The following NPAS3 variants were observed in gnomAD, a reference collection of about 807,000 sequenced individuals.
NPAS3 encodes neuronal PAS domain protein 3.
NPAS3 carries 14 observed loss-of-function variants against 73.1 expected under a neutral mutation model. The observed-to-expected ratio is 0.19, with a 90% CI of 0.13 to 0.30. The LOEUF is 0.30. Ranked by LOEUF, NPAS3 falls within the 10% of genes least tolerant of loss-of-function variation. The probability of loss-of-function intolerance (pLI) is 1.00; values close to 1 mark genes in which losing one functional copy is unlikely to be tolerated. For missense variants in NPAS3, 1,096 were observed against 1,250.0 expected (o/e 0.88, Z 1.86); for synonymous variants, 620 against 541.5 (o/e 1.14, Z -2.01).
intron 3 of NPAS3, among the ~76,000 whole-genome samples, chr14:33,358,774 G>A (rs936578816): frequency 1.3e-5 from 2 of 152,178 alleles, no homozygotes; most frequent in Non-Finnish European, 2.9e-5. Context: ...ATTTCCTGTG[G>A]ATACTTTTAG....
At chr14:33,636,336 G>C (rs1477102752) in intron 5 of NPAS3, among the ~76,000 whole-genome samples, 2 of 152,232 alleles carry the variant, frequency 1.3e-5, no homozygotes, top group Non-Finnish European at 2.9e-5. Flanking sequence ...CCCAGTGTCA[G>C]CATTAAAGGC....
chr14:33,228,948 A>G (rs893567675), intron 3 of NPAS3, among the ~76,000 whole-genome samples: 1 of 152,174 alleles, frequency 6.6e-6, no homozygotes, highest in Non-Finnish European at 1.5e-5. Context: ...TTGAACCTCT[A>G]CTTTGAAGTA....
intron 6 of NPAS3, among the ~76,000 whole-genome samples, chr14:33,700,208 T>A (rs1282769079): frequency 3.3e-5 from 5 of 152,152 alleles, no homozygotes; most frequent in African/African-American, 1.2e-4. Flanking sequence ...ATTGCGACTG[T>A]GTTTTATATC....
At chr14:32,947,633 A>AC (rs2036316255) in intron 1 of NPAS3, among the ~76,000 whole-genome samples, 5 of 152,136 alleles carry the variant, frequency 3.3e-5, no homozygotes, top group Non-Finnish European at 5.9e-5. Flanking sequence ...TAAAATATGT[A>AC]TGAGATATAC....
chr14:33,425,433 A>AT (rs2048516154), intron 4 of NPAS3, among the ~76,000 whole-genome samples: 2 of 151,914 alleles, frequency 1.3e-5, no homozygotes, highest in African/African-American at 2.4e-5. Flanking sequence ...TTTATTAAAT[A>AT]CCTTTATTAT....
At chr14:33,159,859 A>G (rs145437950) in intron 2 of NPAS3, among the ~76,000 whole-genome samples, 1,857 of 152,264 alleles carry the variant, frequency 0.012, 23 homozygotes, top group Middle Eastern at 0.027. Context: ...GGCCTGTAAC[A>G]AGCTTTTACT....
chr14:33,149,287 T>C (rs113085030), intron 2 of NPAS3, among the ~76,000 whole-genome samples: 156 of 152,370 alleles, frequency 1.0e-3, no homozygotes, highest in African/African-American at 3.7e-3. Flanking sequence ...TATTCCGAAG[T>C]GTTCATCATT....
intron 2 of NPAS3, among the ~76,000 whole-genome samples, chr14:33,170,858 A>G (rs1014719037): frequency 6.6e-6 from 1 of 152,188 alleles, no homozygotes; most frequent in African/African-American, 2.4e-5. Flanking sequence ...GTCATCTATG[A>G]GGGTTGGAAT....
intron 6 of NPAS3, among the ~76,000 whole-genome samples, chr14:33,726,152 C>G (rs997287158): frequency 3.9e-5 from 6 of 152,166 alleles, no homozygotes; most frequent in Non-Finnish European, 7.4e-5. Flanking sequence ...CAAAATTCTC[C>G]AAAGAGAAAT....
At chr14:33,149,606 T>C (rs1302563725) in intron 2 of NPAS3, among the ~76,000 whole-genome samples, 1 of 152,208 alleles carries the variant, frequency 6.6e-6, no homozygotes, top group Non-Finnish European at 1.5e-5. Context: ...TACTTACTTA[T>C]GTATATAAGT....
chr14:33,362,103 T>C (rs2140395573), intron 3 of NPAS3, among the ~76,000 whole-genome samples: 1 of 152,306 alleles, frequency 6.6e-6, no homozygotes, highest in East Asian at 1.9e-4. Context: ...CATACAGTGC[T>C]TTCAACAACA....
At chr14:33,240,880 CT>C (rs1221220450) in intron 3 of NPAS3, among the ~76,000 whole-genome samples, 14 of 151,882 alleles carry the variant, frequency 9.2e-5, no homozygotes, top group Non-Finnish European at 1.8e-4. Flanking sequence ...TCTTTGTGTT[CT>C]TTTTCATTTT....
chr14:33,237,890 G>A (rs2048090600), intron 3 of NPAS3, among the ~76,000 whole-genome samples: 3 of 151,308 alleles, frequency 2.0e-5, no homozygotes, highest in South Asian at 4.2e-4. Context: ...ACATTAAAAT[G>A]AATATATTTA....
At chr14:33,570,573 C>A (rs2056165459) in intron 5 of NPAS3, among the ~76,000 whole-genome samples, 1 of 152,154 alleles carries the variant, frequency 6.6e-6, no homozygotes, top group Non-Finnish European at 1.5e-5. Flanking sequence ...TTGCAAAGAC[C>A]AAGAAAGGAC....
intron 3 of NPAS3, among the ~76,000 whole-genome samples, chr14:33,231,198 A>G (rs992235484): frequency 6.6e-6 from 1 of 152,262 alleles, no homozygotes; most frequent in East Asian, 1.9e-4. Context: ...ATAAGTTCAT[A>G]AAAATCACAG....
intron 5 of NPAS3, among the ~76,000 whole-genome samples, chr14:33,646,794 C>T (rs538640922): frequency 6.6e-6 from 1 of 152,290 alleles, no homozygotes; most frequent in South Asian, 2.1e-4. Flanking sequence ...TTTGCTCACA[C>T]GTTAGCAATT....
At chr14:33,272,577 C>T (rs928137298) in intron 3 of NPAS3, among the ~76,000 whole-genome samples, 1 of 152,038 alleles carries the variant, frequency 6.6e-6, no homozygotes, top group Admixed American at 6.6e-5. Context: ...CCACCATGCC[C>T]AGCTAGCTTC....
chr14:33,544,825 A>ATATATAATATATATATATAAT lies in NPAS3; in HGVS notation c.469-15293_469-15292insATAATATATATATATAATTAT. Reference sequence around the variant, plus strand: ...ATATATATATATGTATATATAATATATATGTGTATATATATATTATATATA... The same window carrying ATATATAATATATATATATAAT: ...ATATATATATATGTATATATAATATATATATAATATATATATATAATTATGTGTATATATATATTATATATA... On this transcript the variant is annotated intron_variant, in intron 4 of 11. Coordinates refer to ENST00000356141, the Ensembl canonical transcript of NPAS3. 3.6e-4 allele frequency among the ~76,000 whole-genome samples: 40 copies of ATATATAATATATATATATAAT among 112,176 alleles called. 2 individuals carry two copies. Among genetic ancestry groups the ATATATAATATATATATATAAT allele is most frequent in the African/African-American group, 1.6e-3 (40 of 24,536 alleles). 73.6% of individuals were successfully genotyped at this position (112,176 alleles called of 152,430 possible).
chr14:33,546,182 T>C (rs2054834616), intron 4 of NPAS3, among the ~76,000 whole-genome samples: 2 of 152,184 alleles, frequency 1.3e-5, no homozygotes, highest in African/African-American at 4.8e-5. Flanking sequence ...CCCATTTTTG[T>C]GAGAACCCTG....
Sources: allele counts gnomAD v4.1 joint callset (sites outside exome capture counted in the v4.1 genomes callset), GRCh38; gene constraint gnomAD v4.1.1; transcripts MANE v1.5; gene names NCBI Gene and HGNC (gene_info 2026-07-23, HGNC 2026-07-21).